Variants in SMIM35 observed in about 807,000 individuals in gnomAD.
The protein encoded by SMIM35 is TMPRSS4 antisense RNA 1 (non-protein coding).
intron 1 of SMIM35, among the ~76,000 whole-genome samples, chr11:118,079,128 A>C (rs1397621277): frequency 6.6e-6 from 1 of 152,128 alleles, no homozygotes. Context: ...AGGCAGCAGC[A>C]TGGCCAATCT....
At position 118,004,510 on chromosome 11, in the gene SMIM35, A is replaced by T. The variant is rs2058112254; in HGVS notation, c.*1900T>A. The stretch of plus-strand genomic sequence containing the variant: ...GTGTGGAGGGAGAGGGGAGATGATG[A>T]GTTCTGGCTTAATAATGACAAGTCA... On this transcript the variant is annotated 3_prime_UTR_variant, in exon 5 of 5. Transcript: ENST00000689828. The T allele has an allele frequency of 6.6e-6, 1 of 152,222 alleles. No homozygotes were observed. 9.4% of individuals were successfully genotyped at this position (152,222 alleles called of 1,614,324 possible).
intron 1 of SMIM35, among the ~76,000 whole-genome samples, chr11:118,038,683 A>G (rs976252303): frequency 6.6e-6 from 1 of 151,834 alleles, no homozygotes; most frequent in African/African-American, 2.4e-5. Flanking sequence ...TTGTTTTCAT[A>G]ACAGAAAGCA....
chr11:118,084,775 G>A (rs1282510507), intron 1 of SMIM35, among the ~76,000 whole-genome samples: 1 of 152,194 alleles, frequency 6.6e-6, no homozygotes, highest in African/African-American at 2.4e-5. Flanking sequence ...ACAACCCTGT[G>A]AATTAAGTCA....
intron 1 of SMIM35, among the ~76,000 whole-genome samples, chr11:118,042,248 C>T (rs949557846): frequency 1.3e-5 from 2 of 151,482 alleles, no homozygotes; most frequent in African/African-American, 4.8e-5. Flanking sequence ...AAAAAAAAGA[C>T]TCAAATTACT....
At position 118,026,337 on chromosome 11, in the gene SMIM35, C is replaced by G. The variant is rs113557017; in HGVS notation, c.8-10528G>C. On this transcript the variant is annotated intron_variant, in intron 1 of 4. Coordinates refer to ENST00000689828, the MANE Select transcript of SMIM35 (RefSeq NM_001394165.1). ...GGAGAAGCCTGACCCTTTTTCTCTC[C>G]TGGTCAATGCCTATACTGAGGTGGG... 6.0e-3 allele frequency among the ~76,000 whole-genome samples: 913 copies of G among 152,266 alleles called. 7 individuals are homozygous for G. Among genetic ancestry groups the G allele is most frequent in the South Asian group, 0.013 (61 of 4,822 alleles).
intron 1 of SMIM35, among the ~76,000 whole-genome samples, chr11:118,028,069 T>C (rs1330134043): frequency 7.2e-5 from 11 of 152,238 alleles, no homozygotes; most frequent in Admixed American, 7.2e-4. Context: ...TGCTTCGCTG[T>C]CCCTCTGGAG....
At chr11:118,012,555 C>T (rs2058155804) in intron 4 of SMIM35, among the ~76,000 whole-genome samples, 1 of 152,222 alleles carries the variant, frequency 6.6e-6, no homozygotes, top group Admixed American at 6.5e-5. Context: ...CCCCCGTGCC[C>T]AGCCCATTGC....
chr11:118,023,703 T>C (rs1281003672), intron 1 of SMIM35, among the ~76,000 whole-genome samples: 1 of 151,698 alleles, frequency 6.6e-6, no homozygotes, highest in Non-Finnish European at 1.5e-5. Flanking sequence ...ATAGGAACTA[T>C]CCAAGGTGAG....
chr11:118,033,815 T>C (rs976691708), intron 1 of SMIM35, among the ~76,000 whole-genome samples: 3 of 152,328 alleles, frequency 2.0e-5, no homozygotes, highest in East Asian at 1.9e-4. Context: ...AGTTAAGTGT[T>C]TGGGTGCTTG....
rs375919710 is a variant in SMIM35 at position 118,018,637 on chromosome 11, G to A, written c.8-2828C>T. Among the ~76,000 whole-genome samples the A allele has an allele frequency of 7.2e-5, 11 of 152,272 alleles. No individual in the cohort carries two copies. The South Asian group carries it at 2.3e-3, about 32-fold the overall frequency. ...GAAGGGTTTCATCAAAGAAAAGTCT[G>A]TCCAAAAGTAGGAAATACCAGTAGG... On this transcript the variant is annotated intron_variant, in intron 1 of 4. Coordinates refer to ENST00000689828, the MANE Select transcript of SMIM35 (RefSeq NM_001394165.1).
chr11:118,053,307 AACACAC>A (rs57912361), intron 1 of SMIM35, among the ~76,000 whole-genome samples: 28,803 of 141,830 alleles, frequency 0.2, 2,922 homozygotes, highest in South Asian at 0.28. Context: ...GACTCTCTAA[AACACAC>A]ACACACACAC....
At chr11:118,025,260 C>T in intron 1 of SMIM35, 1 of 303,416 alleles carries the variant, frequency 3.3e-6, no homozygotes, top group South Asian at 3.0e-5. Flanking sequence ...GGTAGAACTG[C>T]TTATTTTCTT....
chr11:118,078,033 AAAAAAAAAAAAGAAAGAAG>A (rs1565403220), intron 1 of SMIM35, among the ~76,000 whole-genome samples: 1 of 97,630 alleles, frequency 1.0e-5, no homozygotes, highest in African/African-American at 4.0e-5. Flanking sequence ...AAAAAAAAAA[AAAAAAAAAAAAGAAAGAAG>A]GAAAAGAAAA....
At chr11:118,074,794 C>G (rs1284764685) in intron 1 of SMIM35, among the ~76,000 whole-genome samples, 1 of 151,900 alleles carries the variant, frequency 6.6e-6, no homozygotes, top group African/African-American at 2.4e-5. Context: ...AGCTGGTTTT[C>G]CCTGGCACCT....
intron 1 of SMIM35, among the ~76,000 whole-genome samples, chr11:118,073,700 G>A (rs981581584): frequency 6.6e-6 from 1 of 152,192 alleles, no homozygotes; most frequent in African/African-American, 2.4e-5. Context: ...TGGGGTGACC[G>A]CCTCTGTGCT....
intron 1 of SMIM35, among the ~76,000 whole-genome samples, chr11:118,028,288 G>A (rs1013199738): frequency 2.6e-5 from 4 of 152,216 alleles, no homozygotes; most frequent in African/African-American, 9.6e-5. Context: ...TGAGACCCAG[G>A]ATTTGGTGTT....
chr11:118,033,394 C>A (rs565683102), intron 1 of SMIM35, among the ~76,000 whole-genome samples: 1 of 152,308 alleles, frequency 6.6e-6, no homozygotes, highest in African/African-American at 2.4e-5. Flanking sequence ...AGTCCTTTGA[C>A]AAGCATCAGA....
intron 1 of SMIM35, among the ~76,000 whole-genome samples, chr11:118,082,124 T>C (rs1945181818): frequency 6.6e-6 from 1 of 152,198 alleles, no homozygotes; most frequent in Non-Finnish European, 1.5e-5. Flanking sequence ...AAGAGAATAA[T>C]AGCTACAGCG....
intron 1 of SMIM35, among the ~76,000 whole-genome samples, chr11:118,066,067 AC>A (rs138617947): frequency 0.032 from 4,805 of 150,956 alleles, 249 homozygotes; most frequent in African/African-American, 0.11. Flanking sequence ...CAGCCACAGG[AC>A]CCCCCGGACG....
Sources: gnomAD v4.1 joint callset for allele counts (sites outside exome capture counted in the v4.1 genomes callset) on GRCh38, gnomAD v4.1.1 for gene constraint, MANE v1.5 for transcripts, NCBI Gene and HGNC (gene_info 2026-07-23, HGNC 2026-07-21) for gene names.